The following BMPR1A variants were observed in gnomAD, a reference collection of about 807,000 sequenced individuals.
The protein encoded by BMPR1A is bone morphogenetic protein receptor type-1A.
Under a neutral mutation model 66.0 loss-of-function variants are expected in BMPR1A, and 7 were observed. The ratio of observed to expected loss-of-function variants is 0.11; its 90% CI spans 0.06 to 0.20. BMPR1A has a LOEUF of 0.20. Ranked by LOEUF, BMPR1A falls within the 10% of genes least tolerant of loss-of-function variation. BMPR1A has a pLI of 1.00. For missense variants in BMPR1A, 408 were observed against 669.1 expected (o/e 0.61, Z 4.31); for synonymous variants, 200 against 229.7 (o/e 0.87, Z 1.17).
rs1433630918 is a variant in BMPR1A at position 86,923,825 on chromosome 10, T to C, written c.*106T>C. 20 of 1,455,596 alleles carry C rather than the reference T, an allele frequency of 1.4e-5. 1 individual carries two copies. The highest frequency in any genetic ancestry group is 5.8e-5 in the South Asian group (5 of 86,450). The allele number at this position is 1,455,596 out of a possible 1,614,324, so 90.2% of individuals were successfully genotyped here. Reference sequence around the variant, plus strand: ...GGATGTTAACTTGGTTCTCAGACTCTTTCTTCACTACGTGTTCACAGGCTG... The same window carrying C: ...GGATGTTAACTTGGTTCTCAGACTCCTTCTTCACTACGTGTTCACAGGCTG... On this transcript the variant is annotated 3_prime_UTR_variant, in exon 13 of 13. Transcript: ENST00000372037.
chr10:86,805,742 T>G (rs2132897940), intron 1 of BMPR1A, among the ~76,000 whole-genome samples: 1 of 152,268 alleles, frequency 6.6e-6, no homozygotes, highest in East Asian at 1.9e-4. Context: ...ATTACAGGTA[T>G]GAGCTACTGT....
Position 86,921,608 on chromosome 10 carries a change from A to G in BMPR1A, c.1255A>G (p.Lys419Glu). The G allele has an allele frequency of 1.2e-6, 2 of 1,614,202 alleles. No homozygotes were observed. Among genetic ancestry groups the G allele is most frequent in the Non-Finnish European group, 1.7e-6 (2 of 1,180,014 alleles). ...CGAAGTGCTGGACGAAAGCCTGAAC[A>G]AAAACCACTTCCAGCCCTACATCAT... is the stretch of plus-strand genomic sequence containing the variant. ...APEVLDESLN[K>E]NHFQPYIMAD... Residue 419 changes from lysine (K) to glutamate (E), a missense_variant, in exon 11 of 13, where the codon AAA (lysine) becomes GAA (glutamate). Physicochemically the swap from Lys to Glu is moderately conservative, Grantham distance 56. This residue lies in a region of BMPR1A where 130 missense variants were observed against 257.3 expected (regional missense o/e 0.51). Coordinates refer to ENST00000372037, the MANE Select transcript of BMPR1A (RefSeq NM_004329.3).
chr10:86,785,801 G>A (rs185168509), intron 1 of BMPR1A, among the ~76,000 whole-genome samples: 55 of 152,260 alleles, frequency 3.6e-4, no homozygotes, highest in Admixed American at 3.4e-3. Context: ...TGGGTGCTCT[G>A]GTTCTGCACT....
chr10:86,927,163 TTC>T lies in BMPR1A; in HGVS notation c.*3446_*3447del, dbSNP rs1261270535. On this transcript the variant is annotated 3_prime_UTR_variant, in exon 13 of 13. Coordinates refer to ENST00000372037, the MANE Select transcript of BMPR1A (RefSeq NM_004329.3). ...TCAGTACTTTTCTTCAGATGCTTTG[TTC>T]TGTTTAGAACAAAAATGCACTATAG... is the stretch of plus-strand genomic sequence containing the variant. 1 of 187,174 alleles carries T rather than the reference TTC, an allele frequency of 5.3e-6. No individual in the cohort carries two copies. The highest frequency in any genetic ancestry group is 1.1e-5 in the Non-Finnish European group (1 of 88,706). 11.6% of individuals were successfully genotyped at this position (187,174 alleles called of 1,614,324 possible). A position where few individuals can be genotyped will look rare whatever the true frequency, so the allele number is the denominator to read the frequency against.
chr10:86,768,334 C>T (rs1471434268), intron 1 of BMPR1A, among the ~76,000 whole-genome samples: 1 of 152,060 alleles, frequency 6.6e-6, no homozygotes, highest in Non-Finnish European at 1.5e-5. Flanking sequence ...CAAAATGAAA[C>T]ATTTGTTAAA....
At chr10:86,797,902 A>C (rs754439166) in intron 1 of BMPR1A, among the ~76,000 whole-genome samples, 22 of 152,126 alleles carry the variant, frequency 1.4e-4, no homozygotes, top group Non-Finnish European at 2.5e-4. Context: ...TTAAATTATT[A>C]AGTGAATATA....
intron 1 of BMPR1A, among the ~76,000 whole-genome samples, chr10:86,811,942 G>A (rs981324995): frequency 6.6e-6 from 1 of 151,964 alleles, no homozygotes; most frequent in Non-Finnish European, 1.5e-5. Context: ...TTAGCCAGGC[G>A]TGGTGGTGTC....
chr10:86,789,505 G>C (rs866988266), intron 1 of BMPR1A, among the ~76,000 whole-genome samples: 13 of 152,168 alleles, frequency 8.5e-5, no homozygotes, highest in Middle Eastern at 3.4e-3. Flanking sequence ...TTGAGGTCAG[G>C]AGTTCGAGAC....
chr10:86,781,853 A>ATTTTTT (rs1589713138), intron 1 of BMPR1A, among the ~76,000 whole-genome samples: 1 of 100,990 alleles, frequency 9.9e-6, no homozygotes, highest in African/African-American at 3.7e-5. Context: ...ATATGACAGG[A>ATTTTTT]TTTCTTTTTT....
intron 2 of BMPR1A, among the ~76,000 whole-genome samples, chr10:86,849,259 G>A (rs1842532730): frequency 6.6e-6 from 1 of 152,158 alleles, no homozygotes; most frequent in African/African-American, 2.4e-5. Context: ...CTGTTTTTCA[G>A]TCTTACTGAT....
intron 5 of BMPR1A, among the ~76,000 whole-genome samples, chr10:86,892,466 A>C (rs1190909594): frequency 6.6e-6 from 1 of 152,228 alleles, no homozygotes; most frequent in Non-Finnish European, 1.5e-5. Flanking sequence ...TTCCATAGAC[A>C]GCACCTGGCT....
chr10:86,914,642 A>G (rs751981716), intron 8 of BMPR1A, among the ~76,000 whole-genome samples: 7 of 152,250 alleles, frequency 4.6e-5, no homozygotes, highest in Non-Finnish European at 8.8e-5. Context: ...ATCAGCAGGG[A>G]TATACAAATT....
chr10:86,931,298 C>CACACACATAT, downstream of BMPR1A: 11 of 90,924 alleles, frequency 1.2e-4, no homozygotes, highest in East Asian at 1.8e-3. Context: ...CACACACACA[C>CACACACATAT]ATATATATAT....
intron 1 of BMPR1A, among the ~76,000 whole-genome samples, chr10:86,792,914 T>C: frequency 6.6e-6 from 1 of 152,184 alleles, no homozygotes; most frequent in East Asian, 1.9e-4. Context: ...GGGATAATAA[T>C]AGCACCTATA....
Position 86,873,653 on chromosome 10 carries a change from G to A in BMPR1A, c.-152-2214G>A, listed in dbSNP as rs117671016. Among the ~76,000 whole-genome samples, 8 of 152,146 alleles carry A rather than the reference G, an allele frequency of 5.3e-5. No homozygotes were observed. The East Asian group carries it at 1.5e-3, about 29-fold the overall frequency. ...GTGATTCTAGTAGAAATATTTAGTG[G>A]GAAAATTGAAATGAGGAAGAGAGAT... On this transcript the variant is annotated intron_variant, in intron 2 of 12. Coordinates refer to ENST00000372037, the MANE Select transcript of BMPR1A (RefSeq NM_004329.3).
chr10:86,801,002 A>C (rs536274440), intron 1 of BMPR1A, among the ~76,000 whole-genome samples: 1 of 152,390 alleles, frequency 6.6e-6, no homozygotes, highest in East Asian at 1.9e-4. Context: ...TATGTTTTGC[A>C]TGACAGTAAT....
intron 2 of BMPR1A, among the ~76,000 whole-genome samples, chr10:86,853,005 A>G (rs889634595): frequency 6.6e-6 from 1 of 152,218 alleles, no homozygotes; most frequent in Non-Finnish European, 1.5e-5. Flanking sequence ...CTAATAAACT[A>G]TTTGAAAGAT....
intron 1 of BMPR1A, among the ~76,000 whole-genome samples, chr10:86,780,539 A>G (rs529819971): frequency 1.8e-4 from 28 of 152,146 alleles, no homozygotes; most frequent in African/African-American, 6.5e-4. Flanking sequence ...GGTTCAAGCA[A>G]TTCTCCTGCC....
At chr10:86,912,189 G>T (rs377723025) in intron 7 of BMPR1A, 51 bp from the exon 8 acceptor site, 5 of 1,599,018 alleles carry the variant, frequency 3.1e-6, no homozygotes. Context: ...TTTTCTTAGG[G>T]TTTTATAGTT....
Sources: gnomAD v4.1 joint callset for allele counts (sites outside exome capture counted in the v4.1 genomes callset) on GRCh38, gnomAD v4.1.1 for gene constraint, gnomAD v4.1.1 regional missense constraint, MANE v1.5 for transcripts, NCBI Gene and HGNC (gene_info 2026-07-23, HGNC 2026-07-21) for gene names.